The following SIPA1L2 variants were observed in gnomAD, a reference collection of about 807,000 sequenced individuals.
SIPA1L2 encodes the protein signal induced proliferation associated 1 like 2.
A neutral mutation model predicts 163.9 loss-of-function variants in SIPA1L2; 56 were observed. That is an observed-to-expected ratio of 0.34 (90% CI 0.28 to 0.43). The LOEUF (loss-of-function observed/expected upper bound fraction) is 0.43. Ranked by LOEUF, SIPA1L2 falls within the 20% of genes least tolerant of loss-of-function variation. SIPA1L2 has a pLI of 1.00. For synonymous variants in SIPA1L2, 877 were observed against 865.7 expected (o/e 1.01, Z -0.23); for missense variants, 1,974 against 2,193.5 (o/e 0.90, Z 2.00).
chr1:232,573,276 G>A (rs1300209175), intron 2 of SIPA1L2, among the ~76,000 whole-genome samples: 1 of 152,122 alleles, frequency 6.6e-6, no homozygotes. Flanking sequence ...GTAAAACTGG[G>A]ATACAAATAA....
intron 10 of SIPA1L2, among the ~76,000 whole-genome samples, chr1:232,459,513 T>A (rs879542336): frequency 4.6e-5 from 7 of 152,196 alleles, no homozygotes; most frequent in Admixed American, 4.6e-4. Context: ...GCTAAAGTTT[T>A]ATTTATTATT....
intron 2 of SIPA1L2, among the ~76,000 whole-genome samples, chr1:232,526,675 T>A (rs891492088): frequency 2.6e-5 from 4 of 152,162 alleles, no homozygotes; most frequent in Non-Finnish European, 5.9e-5. Flanking sequence ...CTATATACCG[T>A]AGGCCTGTGA....
At chr1:232,467,825 T>C (rs762422611) in intron 8 of SIPA1L2, among the ~76,000 whole-genome samples, 5 of 152,202 alleles carry the variant, frequency 3.3e-5, no homozygotes, top group Non-Finnish European at 5.9e-5. Context: ...TAAGCTACAA[T>C]GTCAGGGGAA....
intron 15 of SIPA1L2, among the ~76,000 whole-genome samples, chr1:232,432,804 G>A (rs1363375867): frequency 2.6e-5 from 4 of 152,188 alleles, no homozygotes; most frequent in African/African-American, 9.7e-5. Flanking sequence ...GTCGGAGAAG[G>A]TGCTCAAACT....
At chr1:232,488,790 C>T (rs1665776512) in intron 5 of SIPA1L2, among the ~76,000 whole-genome samples, 1 of 152,160 alleles carries the variant, frequency 6.6e-6, no homozygotes, top group South Asian at 2.1e-4. Flanking sequence ...TATCTGACTA[C>T]AAAGACATTC....
chr1:232,428,535 G>A lies in SIPA1L2; in HGVS notation c.4286C>T (p.Thr1429Ile). Residue 1429 changes from threonine to isoleucine, a missense_variant, in exon 17 of 23, where the codon ACA becomes ATA. Physicochemically the swap from Thr to Ile is moderately conservative, Grantham distance 89 (BLOSUM62 -1). Coordinates refer to ENST00000674635, the MANE Select transcript of SIPA1L2 (RefSeq NM_020808.5). Reference sequence around the variant, plus strand: ...CACCACTGTCTGATGCTGAGTTGCTGTGGACATGACATCCATCTCACTATA... The same window carrying A: ...CACCACTGTCTGATGCTGAGTTGCTATGGACATGACATCCATCTCACTATA... ...GMYSEMDVMS[T>I]ATQHQTVVGD... The A allele has an allele frequency of 6.3e-7, 1 of 1,585,136 alleles. No homozygotes were observed. The highest frequency in any genetic ancestry group is 8.6e-7 in the Non-Finnish European group (1 of 1,168,624).
intron 2 of SIPA1L2, among the ~76,000 whole-genome samples, chr1:232,564,725 A>G (rs1010478800): frequency 9.2e-5 from 14 of 152,342 alleles, no homozygotes; most frequent in Middle Eastern, 3.4e-3. Context: ...TTGTGGGGAC[A>G]GGATGGCAGA....
At chr1:232,602,309 C>G (rs571028159) in intron 1 of SIPA1L2, among the ~76,000 whole-genome samples, 1 of 152,208 alleles carries the variant, frequency 6.6e-6, no homozygotes, top group African/African-American at 2.4e-5. Context: ...AGATTTTACT[C>G]AAGCACCCTC....
At chr1:232,446,467 T>A (rs1663224194) in intron 10 of SIPA1L2, among the ~76,000 whole-genome samples, 1 of 152,216 alleles carries the variant, frequency 6.6e-6, no homozygotes, top group Non-Finnish European at 1.5e-5. Flanking sequence ...CTCATCAAAA[T>A]GTATGCTTTG....
intron 2 of SIPA1L2, among the ~76,000 whole-genome samples, chr1:232,547,979 C>T (rs1356058815): frequency 1.3e-5 from 2 of 152,166 alleles, no homozygotes; most frequent in African/African-American, 4.8e-5. Context: ...TGATACACAA[C>T]AGCACACACT....
chr1:232,543,258 T>C lies in SIPA1L2; in HGVS notation c.-269-27650A>G, dbSNP rs565611728. 2.0e-5 allele frequency among the ~76,000 whole-genome samples: 3 copies of C among 152,334 alleles called. No homozygotes were observed. The East Asian group carries it at 5.8e-4, about 29-fold the overall frequency. On this transcript the variant is annotated intron_variant, in intron 2 of 22. Transcript: ENST00000674635. ...AAATGTATCATATACAAACATTAAT[T>C]TGCATAATTTACCAAAACACTTTTT...
Position 232,425,805 on chromosome 1 carries a change from A to T in SIPA1L2, c.4414T>A (p.Ser1472Thr). 2.5e-6 allele frequency: 4 copies of T among 1,613,394 alleles called. No individual in the cohort carries two copies. The highest frequency in any genetic ancestry group is 2.5e-6 in the Non-Finnish European group (3 of 1,179,554). Residue 1472 changes from serine to threonine, a missense_variant, in exon 18 of 23, where the codon TCG (serine) becomes ACG (threonine). Around this residue, in one of 3 missense-constraint regions of SIPA1L2, gnomAD observed 1,079 missense variants for 1,150.7 expected, o/e 0.94. Coordinates refer to ENST00000674635, the MANE Select transcript of SIPA1L2 (RefSeq NM_020808.5). ...CTTGGAGACAGGTTCCCATAGAACG[A>T]AAACTAGGGTTTAAACAAGGTGCGA... ...PLVEEGRRKF[S>T]FYGNLSPRRS... is the part of the protein sequence containing the mutation.
chr1:232,625,461 T>C (rs188694133), intron 1 of SIPA1L2, among the ~76,000 whole-genome samples: 3 of 152,330 alleles, frequency 2.0e-5, no homozygotes, highest in Admixed American at 2.0e-4. Flanking sequence ...TGTTAGGTTT[T>C]GCAATGACAT....
intron 1 of SIPA1L2, among the ~76,000 whole-genome samples, chr1:232,580,782 C>A (rs979464028): frequency 6.6e-6 from 1 of 152,154 alleles, no homozygotes; most frequent in Non-Finnish European, 1.5e-5. Flanking sequence ...CCTACAGATG[C>A]AAATCTCCCC....
At chr1:232,598,361 T>C (rs2102847473) in intron 1 of SIPA1L2, among the ~76,000 whole-genome samples, 1 of 152,220 alleles carries the variant, frequency 6.6e-6, no homozygotes, top group East Asian at 1.9e-4. Context: ...AAGTAAGCGG[T>C]GATGGCATCA....
intron 20 of SIPA1L2, 75 bp downstream of exon 20, chr1:232,404,050 A>C: frequency 6.5e-7 from 1 of 1,532,180 alleles, no homozygotes; most frequent in Non-Finnish European, 9.0e-7. Flanking sequence ...ATAACCATGC[A>C]GACGTGCAGA....
chr1:232,557,326 C>G (rs1324938356), intron 2 of SIPA1L2, among the ~76,000 whole-genome samples: 1 of 152,156 alleles, frequency 6.6e-6, no homozygotes, highest in Non-Finnish European at 1.5e-5. Flanking sequence ...TAAGCCATAA[C>G]GGACTCTTGA....
intron 1 of SIPA1L2, among the ~76,000 whole-genome samples, chr1:232,627,812 C>T (rs2102900254): frequency 6.6e-6 from 1 of 152,318 alleles, no homozygotes; most frequent in African/African-American, 2.4e-5. Context: ...CAAGTGCTTA[C>T]ACTGCTTCTT....
intron 1 of SIPA1L2, among the ~76,000 whole-genome samples, chr1:232,599,366 C>T (rs113302124): frequency 6.6e-6 from 1 of 152,318 alleles, no homozygotes; most frequent in African/African-American, 2.4e-5. Context: ...TGTAAGTATA[C>T]CACTCAGCAA....
Sources: allele counts gnomAD v4.1 joint callset (sites outside exome capture counted in the v4.1 genomes callset), GRCh38; gene constraint gnomAD v4.1.1; regional missense constraint gnomAD v4.1.1; transcripts MANE v1.5; gene names NCBI Gene and HGNC (gene_info 2026-07-23, HGNC 2026-07-21).